VAT1L: variants seen among roughly 807,000 people sequenced by gnomAD.
VAT1L encodes putative NADPH-dependent quinone oxidoreductase VAT1L.
A neutral mutation model predicts 44.1 loss-of-function variants in VAT1L; 34 were observed. That is an observed-to-expected ratio of 0.77 (90% CI 0.59 to 1.03). The LOEUF (loss-of-function observed/expected upper bound fraction) is 1.03. Among genes scored for constraint, VAT1L ranks in the 50% least tolerant of loss-of-function variants. The pLI is 0.00. For synonymous variants in VAT1L, 253 were observed against 202.2 expected (o/e 1.25, Z -2.13); for missense variants, 615 against 538.8 (o/e 1.14, Z -1.40).
intron 7 of VAT1L, among the ~76,000 whole-genome samples, chr16:77,934,887 G>C (rs1463353120): frequency 6.6e-6 from 1 of 152,144 alleles, no homozygotes; most frequent in Non-Finnish European, 1.5e-5. Flanking sequence ...GCAGGGCCCG[G>C]TCTGGTGGAT....
intron 7 of VAT1L, among the ~76,000 whole-genome samples, chr16:77,954,134 A>T (rs1002108362): frequency 6.6e-6 from 1 of 152,232 alleles, no homozygotes; most frequent in Admixed American, 6.5e-5. Context: ...AATTAACAGA[A>T]AAACAATATC....
chr16:77,823,695 T>C (rs2016486339), intron 2 of VAT1L, among the ~76,000 whole-genome samples: 1 of 152,184 alleles, frequency 6.6e-6, no homozygotes, highest in African/African-American at 2.4e-5. Context: ...TAGCAAATCA[T>C]AGATTTCATA....
At chr16:77,858,334 G>C (rs2016882340) in intron 3 of VAT1L, among the ~76,000 whole-genome samples, 1 of 152,218 alleles carries the variant, frequency 6.6e-6, no homozygotes, top group African/African-American at 2.4e-5. Flanking sequence ...AAGGGGGAAA[G>C]CATGTGGGGA....
chr16:77,941,038 C>T (rs1309860531), intron 7 of VAT1L, among the ~76,000 whole-genome samples: 2 of 152,154 alleles, frequency 1.3e-5, no homozygotes, highest in African/African-American at 2.4e-5. Flanking sequence ...TGTTTCTTTA[C>T]ATTTTGCTTA....
chr16:77,939,764 T>A (rs957885275), intron 7 of VAT1L, among the ~76,000 whole-genome samples: 1 of 152,200 alleles, frequency 6.6e-6, no homozygotes, highest in African/African-American at 2.4e-5. Context: ...TCTTATATCT[T>A]GAGGTTTATT....
chr16:77,879,192 G>C lies in VAT1L; in HGVS notation c.850G>C (p.Glu284Gln). Reference sequence around the variant, plus strand: ...AGGCTCATCCAACATGGTAACTGGAGAGACCAAGAGCTTCTTCAGCTTTGC... The same window carrying C: ...AGGCTCATCCAACATGGTAACTGGACAGACCAAGAGCTTCTTCAGCTTTGC... ...LYGSSNMVTG[E>Q]TKSFFSFAKS... is the part of the protein sequence containing the mutation. Residue 284 changes from glutamate to glutamine, a missense_variant, in exon 6 of 9, where the codon GAG becomes CAG. Coordinates refer to ENST00000302536, the MANE Select transcript of VAT1L (RefSeq NM_020927.3). This position sits in a 1 kb window ranked among gnomAD's most constrained non-coding sequence, Gnocchi z 4.1. The C allele has an allele frequency of 6.2e-7, 1 of 1,614,206 alleles. No homozygotes were observed. Among genetic ancestry groups the C allele is most frequent in the South Asian group, 1.1e-5 (1 of 91,078 alleles).
chr16:77,892,745 G>A (rs1025033165), intron 7 of VAT1L: 11 of 752,224 alleles, frequency 1.5e-5, no homozygotes, highest in East Asian at 2.5e-5. Context: ...CAGCACAAAT[G>A]GTTTCTAGTT....
At position 77,895,633 on chromosome 16, in the gene VAT1L, A is replaced by G. The variant is rs78753360; in HGVS notation, c.1077+10831A>G. Among the ~76,000 whole-genome samples the G allele has an allele frequency of 6.4e-3, 971 of 152,354 alleles. 7 individuals are homozygous for G. The highest frequency in any genetic ancestry group is 0.012 in the Admixed American group (179 of 15,302). On this transcript the variant is annotated intron_variant, in intron 7 of 8. Coordinates refer to ENST00000302536, the MANE Select transcript of VAT1L (RefSeq NM_020927.3). ...CTGTTGACACCTTGATGTTAGCCCT[A>G]AAGAGACAATTTCAGGCTTCTGATT...
intron 7 of VAT1L, among the ~76,000 whole-genome samples, chr16:77,963,900 A>G (rs2018191662): frequency 6.6e-6 from 1 of 152,190 alleles, no homozygotes; most frequent in Non-Finnish European, 1.5e-5. Context: ...ACGTCTTCGC[A>G]ATACGTGAAG....
chr16:77,876,547 A>G (rs2017089356), intron 5 of VAT1L, 74 bp downstream of exon 5: 1 of 1,355,196 alleles, frequency 7.4e-7, no homozygotes, highest in Admixed American at 1.7e-5. Context: ...AGGCTCTGAA[A>G]AGTGAATTGT....
intron 7 of VAT1L, among the ~76,000 whole-genome samples, chr16:77,906,543 G>C (rs138394480): frequency 2.6e-5 from 4 of 152,182 alleles, no homozygotes; most frequent in African/African-American, 9.7e-5. Context: ...AAAAGTGAGG[G>C]AGAAGAAGAG....
At chr16:77,963,755 G>T (rs142281359) in intron 7 of VAT1L, among the ~76,000 whole-genome samples, 3 of 151,976 alleles carry the variant, frequency 2.0e-5, no homozygotes, top group African/African-American at 7.2e-5. Context: ...GTCCTCACAG[G>T]AAAGGCATAT....
At chr16:77,888,180 A>G (rs1219380909) in intron 7 of VAT1L, among the ~76,000 whole-genome samples, 1 of 152,212 alleles carries the variant, frequency 6.6e-6, no homozygotes, top group South Asian at 2.1e-4. Flanking sequence ...GCCACTGCAG[A>G]CCAGGCCATT....
At chr16:77,839,537 A>T (rs1184146815) in intron 3 of VAT1L, among the ~76,000 whole-genome samples, 434 of 35,932 alleles carry the variant, frequency 0.012, 3 homozygotes, top group Non-Finnish European at 0.017. Flanking sequence ...CTCCATATCA[A>T]AAAAAAAAAA....
chr16:77,937,404 C>G (rs980754989), intron 7 of VAT1L, among the ~76,000 whole-genome samples: 2 of 152,202 alleles, frequency 1.3e-5, no homozygotes, highest in East Asian at 3.9e-4. Flanking sequence ...AACACCCATT[C>G]CAGGTTTTGG....
chr16:77,841,918 C>T (rs1017385135), intron 3 of VAT1L, among the ~76,000 whole-genome samples: 2 of 151,482 alleles, frequency 1.3e-5, no homozygotes, highest in African/African-American at 2.4e-5. Flanking sequence ...GACAGAGTCT[C>T]GCTCTGTTGC....
chr16:77,943,723 C>A (rs2017922737), intron 7 of VAT1L, among the ~76,000 whole-genome samples: 1 of 152,050 alleles, frequency 6.6e-6, no homozygotes, highest in African/African-American at 2.4e-5. Context: ...CCTAAAGTAG[C>A]CCTAGCATTC....
chr16:77,873,414 T>C (rs1485006798), intron 4 of VAT1L, among the ~76,000 whole-genome samples: 1 of 152,188 alleles, frequency 6.6e-6, no homozygotes, highest in Admixed American at 6.5e-5. Flanking sequence ...GAAGCACACA[T>C]ATAGAGACAC....
In VAT1L at chr16:77,804,128, G is replaced by C. The variant is rs74484690; in HGVS notation, c.234-12793G>C. Reference sequence around the variant, plus strand: ...GCCTAGCCAAGCCCCAAAACACAGAGGGGTCTGTTGAATTTCAATTGGATG... The same window carrying C: ...GCCTAGCCAAGCCCCAAAACACAGACGGGTCTGTTGAATTTCAATTGGATG... On this transcript the variant is annotated intron_variant, in intron 1 of 8. Coordinates refer to ENST00000302536, the MANE Select transcript of VAT1L (RefSeq NM_020927.3). Among the ~76,000 whole-genome samples the C allele has an allele frequency of 0.011, 1,738 of 152,302 alleles. 60 individuals are homozygous for C. The East Asian group carries it at 0.15, about 13-fold the overall frequency.
Sources: allele counts gnomAD v4.1 joint callset (sites outside exome capture counted in the v4.1 genomes callset), GRCh38; gene constraint gnomAD v4.1.1; non-coding constraint Gnocchi (gnomAD v3.1); transcripts MANE v1.5; gene names NCBI Gene and HGNC (gene_info 2026-07-23, HGNC 2026-07-21).